Variants in LOC400499 observed in about 807,000 individuals in gnomAD.
chr16:11,389,105 G>A, the LOC400499 span, among the ~76,000 whole-genome samples: 1 of 152,050 alleles, frequency 6.6e-6, no homozygotes, highest in Non-Finnish European at 1.5e-5. Context: ...AAACAGGCCA[G>A]GCACATCCCT....
the LOC400499 span, chr16:11,399,851 G>T: frequency 5.0e-6 from 2 of 398,684 alleles, no homozygotes; most frequent in Non-Finnish European, 4.4e-6. Context: ...TGGGGAAAGG[G>T]GGACATGTAG....
chr16:11,396,301 T>G, the LOC400499 span: 3 of 418,474 alleles, frequency 7.2e-6, no homozygotes, highest in Admixed American at 4.5e-5. Flanking sequence ...TGCCTTGTCT[T>G]GGCGCCAGGG....
the LOC400499 span, among the ~76,000 whole-genome samples, chr16:11,522,832 G>A: frequency 2.0e-5 from 3 of 152,118 alleles, no homozygotes; most frequent in Admixed American, 2.0e-4. Context: ...GCCCAGCCTT[G>A]GGGGATCTGG....
chr16:11,449,504 T>G, the LOC400499 span, among the ~76,000 whole-genome samples: 4 of 152,176 alleles, frequency 2.6e-5, no homozygotes, highest in Admixed American at 2.6e-4. Context: ...GTGGGTGTCA[T>G]CTGGCTCGTT....
chr16:11,385,025 C>G, the LOC400499 span: 18 of 1,232,234 alleles, frequency 1.5e-5, no homozygotes, highest in Non-Finnish European at 1.7e-5. Context: ...GAGGTCCGGA[C>G]AACTGTCCCC....
the LOC400499 span, among the ~76,000 whole-genome samples, chr16:11,497,248 G>A: frequency 1.3e-5 from 2 of 152,226 alleles, no homozygotes; most frequent in African/African-American, 4.8e-5. Context: ...ATGCATGCGT[G>A]TGGGTCTTGG....
the LOC400499 span, chr16:11,475,526 A>G: frequency 2.5e-6 from 1 of 396,612 alleles, no homozygotes; most frequent in East Asian, 3.6e-5. Flanking sequence ...GAATACTTTT[A>G]GGGCAGGAGA....
At chr16:11,479,660 C>T in the LOC400499 span, among the ~76,000 whole-genome samples, 1 of 152,044 alleles carries the variant, frequency 6.6e-6, no homozygotes, top group Admixed American at 6.6e-5. Flanking sequence ...AGAAAATTTG[C>T]AAAGACAGTA....
At chr16:11,442,855 C>T in the LOC400499 span, among the ~76,000 whole-genome samples, 8 of 152,130 alleles carry the variant, frequency 5.3e-5, no homozygotes, top group Non-Finnish European at 1.0e-4. Flanking sequence ...GTGTCTAAGG[C>T]TGTCATCCTG....
At chr16:11,424,693 C>A in the LOC400499 span, among the ~76,000 whole-genome samples, 148 of 152,298 alleles carry the variant, frequency 9.7e-4, no homozygotes, top group African/African-American at 3.3e-3. Flanking sequence ...TGTGTCCTCC[C>A]TTCGCTGCTG....
At chr16:11,423,478 G>C in the LOC400499 span, among the ~76,000 whole-genome samples, 1 of 152,240 alleles carries the variant, frequency 6.6e-6, no homozygotes, top group African/African-American at 2.4e-5. Flanking sequence ...TCCACGCCAG[G>C]CACGGTGCTA....
the LOC400499 span, among the ~76,000 whole-genome samples, chr16:11,511,827 G>C: frequency 1.3e-5 from 2 of 152,100 alleles, no homozygotes; most frequent in Non-Finnish European, 2.9e-5. Context: ...AGGAGTTTGA[G>C]ACCAGCCTGG....
chr16:11,478,651 C>A, the LOC400499 span: 1 of 399,184 alleles, frequency 2.5e-6, no homozygotes, highest in East Asian at 3.6e-5. Flanking sequence ...CAGCTCGCAT[C>A]GCAGAGCCTG....
At chr16:11,383,704 G>A in the LOC400499 span, 11 of 1,232,354 alleles carry the variant, frequency 8.9e-6, no homozygotes, top group African/African-American at 4.7e-5. Context: ...GTAGGCGGCC[G>A]CCAGGTTGCA....
the LOC400499 span, chr16:11,487,402 G>A: frequency 2.5e-6 from 1 of 398,800 alleles, no homozygotes; most frequent in African/African-American, 2.1e-5. Flanking sequence ...AGTAAGACAA[G>A]AACATCAGTA....
the LOC400499 span, among the ~76,000 whole-genome samples, chr16:11,516,592 G>T: frequency 6.6e-6 from 1 of 152,214 alleles, no homozygotes; most frequent in Admixed American, 6.5e-5. Flanking sequence ...AGAGCTGCCT[G>T]CATTCCAAAA....
At chr16:11,512,808 T>C in the LOC400499 span, among the ~76,000 whole-genome samples, 5 of 152,160 alleles carry the variant, frequency 3.3e-5, no homozygotes, top group East Asian at 9.6e-4. Flanking sequence ...CAAGCCTGGA[T>C]GCCCCCAGGC....
the LOC400499 span, among the ~76,000 whole-genome samples, chr16:11,434,879 CAT>C: frequency 3.3e-5 from 5 of 152,174 alleles, no homozygotes; most frequent in East Asian, 3.9e-4. Flanking sequence ...ATAGTGGACA[CAT>C]GAGTAGGTAA....
At chr16:11,385,534 G>C in the LOC400499 span, 11 of 629,342 alleles carry the variant, frequency 1.7e-5, no homozygotes, top group African/African-American at 7.5e-5. Context: ...CTGCCCTGAG[G>C]CCTGGATTCC....
Sources: gnomAD v4.1 joint callset for allele counts (sites outside exome capture counted in the v4.1 genomes callset) on GRCh38, gnomAD v4.1.1 for gene constraint, MANE v1.5 for transcripts.